Variants in ZFPM2 observed in about 807,000 individuals in gnomAD.
ZFPM2 encodes the protein zinc finger protein, FOG family member 2, also known as zinc finger protein ZFPM2.
A neutral mutation model predicts 98.6 loss-of-function variants in ZFPM2; 20 were observed. The observed-to-expected ratio is 0.20, with a 90% confidence interval of 0.14 to 0.29. The LOEUF (loss-of-function observed/expected upper bound fraction) is 0.29. Ranked by LOEUF, ZFPM2 falls within the 10% of genes least tolerant of loss-of-function variation. ZFPM2 has a pLI of 1.00. For synonymous variants in ZFPM2, 518 were observed against 502.7 expected, an observed-to-expected ratio of 1.03 and a Z score of -0.41; for missense variants, 1,310 against 1,388.6, an observed-to-expected ratio of 0.94 and a Z score of 0.90.
Position 105,640,324 on chromosome 8 carries a change from T to A in ZFPM2, c.532+5967T>A, listed in dbSNP as rs1472517012. The stretch of plus-strand genomic sequence containing the variant: ...GCAATTTTTTTTCCCATTCTTTGGC[T>A]TGACTTTAAAGAGATTATTCAAACA... On this transcript the variant is annotated intron_variant, in intron 5 of 7. Coordinates refer to ENST00000407775, the MANE Select transcript of ZFPM2 (RefSeq NM_012082.4). Among the ~76,000 whole-genome samples the A allele has an allele frequency of 5.3e-5, 8 of 152,014 alleles. 1 individual carries two copies. Among genetic ancestry groups the A allele is most frequent in the African/African-American group, 1.9e-4 (8 of 41,440 alleles).
At chr8:105,773,247 G>A (rs1813023103) in intron 5 of ZFPM2, among the ~76,000 whole-genome samples, 1 of 152,090 alleles carries the variant, frequency 6.6e-6, no homozygotes, top group South Asian at 2.1e-4. Context: ...GAGAAGGAAA[G>A]GGCATCTATG....
chr8:105,471,617 A>G (rs531250329), intron 3 of ZFPM2, among the ~76,000 whole-genome samples: 96 of 152,316 alleles, frequency 6.3e-4, no homozygotes, highest in Non-Finnish European at 8.5e-4. Context: ...GATTCAGCTC[A>G]GAACATTGGG....
At chr8:105,795,702 T>C (rs2131159683) in intron 6 of ZFPM2, 1 of 392,050 alleles carries the variant, frequency 2.6e-6, no homozygotes, top group Non-Finnish European at 5.0e-6. Flanking sequence ...CTTTGTGATT[T>C]TACTTCATAA....
At chr8:105,634,696 C>G (rs1224202068) in intron 5 of ZFPM2, among the ~76,000 whole-genome samples, 2 of 152,140 alleles carry the variant, frequency 1.3e-5, no homozygotes, top group African/African-American at 4.8e-5. Flanking sequence ...TAGACATTAT[C>G]TATCAAAAAG....
intron 1 of ZFPM2, among the ~76,000 whole-genome samples, chr8:105,322,103 G>A (rs1812036771): frequency 6.6e-6 from 1 of 151,952 alleles, no homozygotes; most frequent in Non-Finnish European, 1.5e-5. Context: ...GCCCTGATAG[G>A]ACGGGAGGTG....
At chr8:105,356,439 C>A (rs1357757274) in intron 1 of ZFPM2, among the ~76,000 whole-genome samples, 1 of 152,204 alleles carries the variant, frequency 6.6e-6, no homozygotes, top group Non-Finnish European at 1.5e-5. Context: ...CTATTTGATT[C>A]ATTACACATA....
intron 2 of ZFPM2, among the ~76,000 whole-genome samples, chr8:105,425,435 C>G (rs1336146636): frequency 2.6e-5 from 4 of 152,192 alleles, no homozygotes; most frequent in Non-Finnish European, 5.9e-5. Context: ...GTTTCCAGAA[C>G]AGCAGTTTGG....
intron 1 of ZFPM2, among the ~76,000 whole-genome samples, chr8:105,320,534 T>G (rs2130640539): frequency 6.6e-6 from 1 of 152,336 alleles, no homozygotes; most frequent in South Asian, 2.1e-4. Flanking sequence ...ATTCCTCTGT[T>G]TAAATGTTGC....
intron 1 of ZFPM2, among the ~76,000 whole-genome samples, chr8:105,327,595 T>C (rs569957798): frequency 6.6e-6 from 1 of 151,828 alleles, no homozygotes; most frequent in East Asian, 1.9e-4. Flanking sequence ...AATCATGTAT[T>C]TCAAAGTACT....
chr8:105,733,540 T>C (rs1811994223), intron 5 of ZFPM2, among the ~76,000 whole-genome samples: 1 of 151,906 alleles, frequency 6.6e-6, no homozygotes, highest in South Asian at 2.1e-4. Context: ...GTTCACAGTG[T>C]ATGAATTCAC....
intron 1 of ZFPM2, among the ~76,000 whole-genome samples, chr8:105,402,014 G>A (rs1451501344): frequency 1.3e-5 from 2 of 151,800 alleles, no homozygotes; most frequent in African/African-American, 4.8e-5. Context: ...CTTATTTTTT[G>A]TTTCCTCAAT....
chr8:105,409,477 T>C (rs1811533090), intron 1 of ZFPM2, among the ~76,000 whole-genome samples: 1 of 151,862 alleles, frequency 6.6e-6, no homozygotes, highest in Non-Finnish European at 1.5e-5. Context: ...GAAAGAACAA[T>C]TAACCAGCAC....
intron 3 of ZFPM2, among the ~76,000 whole-genome samples, chr8:105,508,400 G>C (rs1011870156): frequency 4.6e-5 from 7 of 152,086 alleles, no homozygotes; most frequent in Non-Finnish European, 1.0e-4. Flanking sequence ...CTTCTGACCA[G>C]TTCATAAATC....
chr8:105,607,688 C>G (rs1816223130), intron 4 of ZFPM2, among the ~76,000 whole-genome samples: 6 of 151,852 alleles, frequency 4.0e-5, no homozygotes, highest in Non-Finnish European at 5.9e-5. Context: ...AAAGTCCACT[C>G]CACTCTTTCC....
intron 7 of ZFPM2, among the ~76,000 whole-genome samples, chr8:105,800,591 G>A (rs1272820592): frequency 6.6e-6 from 1 of 152,052 alleles, no homozygotes; most frequent in African/African-American, 2.4e-5. Context: ...TATATGTAGT[G>A]TACTGAGAGT....
intron 5 of ZFPM2, among the ~76,000 whole-genome samples, chr8:105,759,898 T>C (rs1322929061): frequency 6.6e-6 from 1 of 152,048 alleles, no homozygotes; most frequent in Non-Finnish European, 1.5e-5. Context: ...TGCCTACATG[T>C]GTTGGCCATT....
chr8:105,485,167 T>G (rs1484626655), intron 3 of ZFPM2, among the ~76,000 whole-genome samples: 1 of 152,206 alleles, frequency 6.6e-6, no homozygotes, highest in Non-Finnish European at 1.5e-5. Flanking sequence ...GGCCTAAGCC[T>G]TAATCATTGA....
At chr8:105,568,674 T>C (rs1291060515) in intron 4 of ZFPM2, among the ~76,000 whole-genome samples, 1 of 152,112 alleles carries the variant, frequency 6.6e-6, no homozygotes, top group African/African-American at 2.4e-5. Context: ...TGTTCTCTCT[T>C]GTCATCTTTT....
At chr8:105,491,849 C>T (rs892478366) in intron 3 of ZFPM2, among the ~76,000 whole-genome samples, 2 of 151,978 alleles carry the variant, frequency 1.3e-5, no homozygotes, top group African/African-American at 4.8e-5. Context: ...AGATAATATG[C>T]AAAAATTGAT....
Sources: gnomAD v4.1 joint callset for allele counts (sites outside exome capture counted in the v4.1 genomes callset) on GRCh38, gnomAD v4.1.1 for gene constraint, MANE v1.5 for transcripts, NCBI Gene and HGNC (gene_info 2026-07-23, HGNC 2026-07-21) for gene names.